Variants in CELF2 observed in about 807,000 individuals in gnomAD.
The protein encoded by CELF2 is CUG triplet repeat RNA-binding protein 2.
In CELF2, 8 loss-of-function variants were observed where a neutral mutation model predicts 62.6. That is an observed-to-expected ratio of 0.13 (90% CI 0.07 to 0.23). The LOEUF is 0.23. Among genes scored for constraint, CELF2 ranks in the 10% least tolerant of loss-of-function variants. The probability of loss-of-function intolerance (pLI) is 1.00; values close to 1 mark genes in which losing one functional copy is unlikely to be tolerated. For missense variants in CELF2, 333 were observed against 671.0 expected (o/e 0.50, Z 5.56); for synonymous variants, 258 against 250.0 (o/e 1.03, Z -0.30).
At chr10:10,524,834 G>C in the CELF2 span, among the ~76,000 whole-genome samples, 1 of 152,126 alleles carries the variant, frequency 6.6e-6, no homozygotes, top group Admixed American at 6.5e-5. Flanking sequence ...TTCTGGAGGA[G>C]AGGGGCCCTA....
chr10:11,278,819 A>G lies in CELF2; in HGVS notation c.841+3699A>G, dbSNP rs181554665. Among the ~76,000 whole-genome samples, 97 of 152,332 alleles carry G rather than the reference A, an allele frequency of 6.4e-4. 1 individual carries two copies. Among genetic ancestry groups the G allele is most frequent in the Admixed American group, 1.6e-3 (25 of 15,292 alleles). On this transcript the variant is annotated intron_variant, in intron 8 of 12. Coordinates refer to ENST00000633077, the MANE Select transcript of CELF2 (RefSeq NM_001326342.2). ...AATTCCCAAATATCACAACAACCTG[A>G]TGAAGTAGGGACTCTAAGTTAGCCC...
intron 1 of CELF2, among the ~76,000 whole-genome samples, chr10:11,032,614 A>G (rs1305148677): frequency 6.6e-6 from 1 of 152,220 alleles, no homozygotes; most frequent in African/African-American, 2.4e-5. Context: ...CATGAAATTT[A>G]CAATCTACGT....
chr10:10,912,748 A>G (rs913513080), intron 1 of CELF2, among the ~76,000 whole-genome samples: 9 of 152,212 alleles, frequency 5.9e-5, no homozygotes, highest in African/African-American at 2.2e-4. Flanking sequence ...CATAGATAAC[A>G]TATCTGTGGC....
At chr10:11,142,957 C>T (rs554927644) in intron 1 of CELF2, among the ~76,000 whole-genome samples, 1 of 150,626 alleles carries the variant, frequency 6.6e-6, no homozygotes, top group South Asian at 2.1e-4. Flanking sequence ...TGTCCTCCCT[C>T]CACTGGGGGA....
Position 10,880,696 on chromosome 10 carries a change from A to G in CELF2, c.54-39268A>G, listed in dbSNP as rs190756819. ...CAAGCAACTAGGCCAAAGCCAGCAGAAGTAGAATAAGCCTCTCTGTTTAGG... is the reference window on the plus strand; with the variant it reads ...CAAGCAACTAGGCCAAAGCCAGCAGGAGTAGAATAAGCCTCTCTGTTTAGG... On this transcript the variant is annotated intron_variant, in intron 1 of 13. Coordinates refer to the CELF2 transcript ENST00000636488. Among the ~76,000 whole-genome samples, 654 of 152,316 alleles carry G rather than the reference A, an allele frequency of 4.3e-3. 4 individuals are homozygous for G. The highest frequency in any genetic ancestry group is 8.4e-3 in the Admixed American group (128 of 15,284).
At chr10:11,294,271 T>C (rs2092888388) in intron 9 of CELF2, among the ~76,000 whole-genome samples, 1 of 152,206 alleles carries the variant, frequency 6.6e-6, no homozygotes, top group Non-Finnish European at 1.5e-5. Context: ...CCCCAGAAAG[T>C]GCCCATTAGC....
In CELF2 at chr10:10,981,846, G is replaced by A. The variant is rs545096558; in HGVS notation, c.89+61847G>A. ...TTCTCATTTTAAAGATGAGAAAACC[G>A]AGGCTTAGAAAGGCTACACAGTCAG... On this transcript the variant is annotated intron_variant, in intron 2 of 13. Coordinates refer to the CELF2 transcript ENST00000636488. Among the ~76,000 whole-genome samples, 11 of 151,964 alleles carry A rather than the reference G, an allele frequency of 7.2e-5. No homozygotes were observed. The East Asian group carries it at 1.9e-3, about 27-fold the overall frequency.
the CELF2 span, among the ~76,000 whole-genome samples, chr10:10,727,339 T>G: frequency 6.6e-6 from 1 of 152,232 alleles, no homozygotes; most frequent in African/African-American, 2.4e-5. Context: ...CCTAACTTTC[T>G]TAGACATTTT....
chr10:10,711,445 T>G, the CELF2 span, among the ~76,000 whole-genome samples: 1 of 152,158 alleles, frequency 6.6e-6, no homozygotes, highest in Non-Finnish European at 1.5e-5. Flanking sequence ...CTGGGTTGCA[T>G]TTGAGTCCCT....
the CELF2 span, among the ~76,000 whole-genome samples, chr10:10,638,579 T>C: frequency 6.6e-6 from 1 of 152,160 alleles, no homozygotes; most frequent in Admixed American, 6.5e-5. Flanking sequence ...ACAAGTCCTG[T>C]TATCTAATTT....
At chr10:10,617,418 A>C in the CELF2 span, among the ~76,000 whole-genome samples, 1 of 152,148 alleles carries the variant, frequency 6.6e-6, no homozygotes, top group Non-Finnish European at 1.5e-5. Flanking sequence ...ATGCTAACCT[A>C]AGGTTCACAG....
At chr10:10,761,975 C>T in the CELF2 span, among the ~76,000 whole-genome samples, 3 of 149,628 alleles carry the variant, frequency 2.0e-5, no homozygotes, top group Non-Finnish European at 4.4e-5. Context: ...TGTAGATGAT[C>T]TCCTATTGGT....
At chr10:10,538,031 A>G in the CELF2 span, among the ~76,000 whole-genome samples, 1 of 152,036 alleles carries the variant, frequency 6.6e-6, no homozygotes, top group African/African-American at 2.4e-5. Flanking sequence ...AAAAGGGGAA[A>G]AGCAGAGCCC....
intron 1 of CELF2, among the ~76,000 whole-genome samples, chr10:11,069,001 C>G (rs772720786): frequency 1.3e-5 from 2 of 152,132 alleles, no homozygotes; most frequent in African/African-American, 4.8e-5. Context: ...CCTATTTCAT[C>G]ATCTGAGGAA....
chr10:11,155,581 T>C (rs1249749688), intron 1 of CELF2, among the ~76,000 whole-genome samples: 2 of 152,218 alleles, frequency 1.3e-5, no homozygotes, highest in Admixed American at 6.5e-5. Flanking sequence ...AGATCATTTT[T>C]TTCTTTATGC....
chr10:10,838,129 T>C (rs1173504152), intron 1 of CELF2, among the ~76,000 whole-genome samples: 1 of 152,204 alleles, frequency 6.6e-6, no homozygotes, highest in African/African-American at 2.4e-5. Context: ...TCCCTTGGTT[T>C]TGATGACCTT....
At chr10:11,083,457 A>G (rs971495542) in intron 1 of CELF2, among the ~76,000 whole-genome samples, 31 of 152,144 alleles carry the variant, frequency 2.0e-4, no homozygotes, top group African/African-American at 7.5e-4. Flanking sequence ...GGTGGTATCT[A>G]TTTCTGTCAC....
At chr10:10,777,132 T>A in the CELF2 span, among the ~76,000 whole-genome samples, 1 of 152,192 alleles carries the variant, frequency 6.6e-6, no homozygotes, top group Non-Finnish European at 1.5e-5. Context: ...AGCATTGTGC[T>A]CTTGGCACTA....
In CELF2 at chr10:11,217,193, G is replaced by A. The variant is rs1025543495; in HGVS notation, c.272-232G>A. Among the ~76,000 whole-genome samples the A allele has an allele frequency of 1.3e-5, 2 of 152,192 alleles. No individual in the cohort carries two copies. Among genetic ancestry groups the A allele is most frequent in the African/African-American group, 4.8e-5 (2 of 41,444 alleles). On this transcript the variant is annotated intron_variant, in intron 2 of 12. Coordinates refer to ENST00000633077, the MANE Select transcript of CELF2 (RefSeq NM_001326342.2). This position sits in a 1 kb window ranked among gnomAD's most constrained non-coding sequence, Gnocchi z 5.6. ...TCTTGAATAGCTGTATTCCAGAGAG[G>A]TGAGGCACAGAGTCAGGAATTGATC...
Sources: gnomAD v4.1 joint callset for allele counts (sites outside exome capture counted in the v4.1 genomes callset) on GRCh38, gnomAD v4.1.1 for gene constraint, Gnocchi (gnomAD v3.1) non-coding constraint, MANE v1.5 for transcripts, NCBI Gene and HGNC (gene_info 2026-07-23, HGNC 2026-07-21) for gene names.